Variants in ABCG8 observed in about 807,000 individuals in gnomAD.
ABCG8 encodes the protein ATP binding cassette subfamily G member 8, also known as ATP-binding cassette sub-family G member 8.
Under a neutral mutation model 71.3 loss-of-function variants are expected in ABCG8, and 81 were observed. The observed-to-expected ratio is 1.14, with a 90% CI of 0.95 to 1.37. The LOEUF is 1.37. ABCG8 is among the 40% of genes most tolerant of loss of function. ABCG8 has a pLI of 0.00. For synonymous variants in ABCG8, 451 were observed against 354.7 expected (o/e 1.27, Z -3.05); for missense variants, 1,119 against 866.2 (o/e 1.29, Z -3.66).
At position 43,877,775 on chromosome 2, in the gene ABCG8, G is replaced by C; in HGVS notation, c.1885-1G>C. 1 of 1,614,162 alleles carries C rather than the reference G, an allele frequency of 6.2e-7. No homozygotes were observed. Among genetic ancestry groups the C allele is most frequent in the Non-Finnish European group, 8.5e-7 (1 of 1,180,026 alleles). On this transcript the variant is annotated splice_acceptor_variant, in intron 12 of 12. Transcript: ENST00000272286. LOFTEE classifies it high-confidence loss of function. ...AGCCCACTGCATGTCTGTGTCTCCA[G>C]ATCCTCAGTGTCATGGAGCTGGACT...
chr2:43,841,905 T>A (rs1668591267), intron 1 of ABCG8, among the ~76,000 whole-genome samples: 1 of 152,238 alleles, frequency 6.6e-6, no homozygotes, highest in African/African-American at 2.4e-5. Flanking sequence ...CAGAAGTAAT[T>A]TCTCAGCTCA....
At position 43,871,963 on chromosome 2, in the gene ABCG8, C is replaced by G; in HGVS notation, c.965-13C>G. The G allele has an allele frequency of 6.2e-7, 1 of 1,613,966 alleles. No homozygotes were observed. The highest frequency in any genetic ancestry group is 8.5e-7 in the Non-Finnish European group (1 of 1,180,038). ...GAACAGGCCACCTGTGACTCCACAT[C>G]CCCTGCTTGCAGTGGACCTGACCAG... is the stretch of plus-strand genomic sequence containing the variant. On this transcript the variant is annotated splice_polypyrimidine_tract_variant and intron_variant, in intron 6 of 12. Coordinates refer to ENST00000272286, the MANE Select transcript of ABCG8 (RefSeq NM_022437.3).
At chr2:43,846,392 T>C (rs1668744525) in intron 3 of ABCG8, 81 bp downstream of exon 3, 2 of 1,589,076 alleles carry the variant, frequency 1.3e-6, no homozygotes, top group African/African-American at 1.3e-5. Context: ...ATGCTTCTTA[T>C]GGAGCTCTTT....
chr2:43,853,846 T>A (rs1364114668), intron 6 of ABCG8, among the ~76,000 whole-genome samples: 1 of 152,020 alleles, frequency 6.6e-6, no homozygotes, highest in East Asian at 1.9e-4. Context: ...GCCCACACCC[T>A]CCTCCTAGTG....
chr2:43,865,249 T>C (rs918912815), intron 6 of ABCG8, among the ~76,000 whole-genome samples: 52 of 144,728 alleles, frequency 3.6e-4, no homozygotes, highest in African/African-American at 1.4e-3. Flanking sequence ...TCTGTCTAGG[T>C]ACAATTCTCA....
At position 43,875,419 on chromosome 2, in the gene ABCG8, G is replaced by C. The variant is rs375563605; in HGVS notation, c.1756+6G>C. ...CTTGAGCAGCCTGTGGACAGGTAAG[G>C]CCTGCCCCCGGGGCCTGGGCCAGCT... is the stretch of plus-strand genomic sequence containing the variant. On this transcript the variant is annotated splice_donor_region_variant and intron_variant, in intron 11 of 12. Transcript: ENST00000272286. 39 of 1,611,530 alleles carry C rather than the reference G, an allele frequency of 2.4e-5. 3 individuals carry two copies. The South Asian group carries it at 3.5e-4, about 15-fold the overall frequency.
chr2:43,842,098 C>T lies in ABCG8; in HGVS notation c.64-2409C>T, dbSNP rs377468191. Among the ~76,000 whole-genome samples, 15 of 152,218 alleles carry T rather than the reference C, an allele frequency of 9.9e-5. No individual in the cohort carries two copies. In the East Asian group the frequency reaches 2.7e-3, roughly 27 times the overall value. The stretch of plus-strand genomic sequence containing the variant: ...CTCGGCTCCCTGCACCTCCACCTGC[C>T]GGTTCAAGTGATTCTCCTGCCTCAA... On this transcript the variant is annotated intron_variant, in intron 1 of 12. Coordinates refer to ENST00000272286, the MANE Select transcript of ABCG8 (RefSeq NM_022437.3).
intron 3 of ABCG8, chr2:43,846,714 A>C: frequency 3.4e-6 from 1 of 297,544 alleles, no homozygotes. Context: ...CCCCTGCCAC[A>C]CTCTCACCTC....
rs185116698 is a variant in ABCG8, at chr2:43,874,447, C to T, written c.1452C>T (p.Asp484=). Residue 484 remains aspartate, a synonymous_variant, in exon 10 of 13, where the codon GAC becomes GAT. Coordinates refer to ENST00000272286, the MANE Select transcript of ABCG8 (RefSeq NM_022437.3). ...ERAMLYYELE[D]GLYTTGPYFF... ...CAATGCTTTACTATGAACTGGAAGA[C>T]GGGCTGTACACCACTGGTCCATATT... 3.1e-5 allele frequency: 50 copies of T among 1,613,874 alleles called. No individual in the cohort carries two copies. Among genetic ancestry groups the T allele is most frequent in the South Asian group, 1.5e-4 (14 of 91,074 alleles).
At chr2:43,840,382 C>T (rs1461253906) in intron 1 of ABCG8, among the ~76,000 whole-genome samples, 1 of 152,210 alleles carries the variant, frequency 6.6e-6, no homozygotes, top group East Asian at 1.9e-4. Flanking sequence ...GGGAACACTT[C>T]CTGCCTGGGA....
intron 1 of ABCG8, among the ~76,000 whole-genome samples, chr2:43,840,401 G>A (rs1452846523): frequency 6.6e-6 from 1 of 152,184 alleles, no homozygotes; most frequent in Non-Finnish European, 1.5e-5. Context: ...GAGGGCTGAC[G>A]ATTCAGCCAC....
intron 1 of ABCG8, among the ~76,000 whole-genome samples, chr2:43,839,346 A>T (rs1441582266): frequency 6.7e-6 from 1 of 148,432 alleles, no homozygotes; most frequent in Non-Finnish European, 1.5e-5. Context: ...TTTTAGGGAA[A>T]TGATGTTCTT....
rs575622587 is a variant in ABCG8 at position 43,874,549 on chromosome 2, C to T, written c.1488+66C>T. ...AGGGTGGGGGTAAGTGTGGAGAAAA[C>T]GTTGCTACAAGGAAGGCTTTTCTGA... On this transcript the variant is annotated intron_variant, in intron 10 of 12. Coordinates refer to ENST00000272286, the MANE Select transcript of ABCG8 (RefSeq NM_022437.3). The T allele has an allele frequency of 1.1e-4, 146 of 1,367,318 alleles. 1 individual carries two copies. In the South Asian group the frequency reaches 1.2e-3, roughly 11 times the overall value. The allele number at this position is 1,367,318 out of a possible 1,614,324, so 84.7% of individuals were successfully genotyped here.
At chr2:43,854,272 G>A (rs1428506292) in intron 6 of ABCG8, among the ~76,000 whole-genome samples, 1 of 152,144 alleles carries the variant, frequency 6.6e-6, no homozygotes, top group East Asian at 1.9e-4. Context: ...CACACTAGGG[G>A]GCCACATCAT....
At chr2:43,876,711 C>G (rs1054465876) in intron 11 of ABCG8, among the ~76,000 whole-genome samples, 1 of 138,852 alleles carries the variant, frequency 7.2e-6, no homozygotes, top group Non-Finnish European at 1.5e-5. Flanking sequence ...TATAAAGGAG[C>G]CGTGGGAATA....
rs1359794106 is a variant in ABCG8, at chr2:43,880,911, GCT to G, written c.*3001_*3002del. 6.6e-6 allele frequency: 1 copy of G among 152,222 alleles called. No homozygotes were observed. The highest frequency in any genetic ancestry group is 1.5e-5 in the Non-Finnish European group (1 of 68,076). 9.4% of individuals were successfully genotyped at this position (152,222 alleles called of 1,614,324 possible). The stretch of plus-strand genomic sequence containing the variant: ...TGGACGTCCTGCCTACCCTGCTCAG[GCT>G]CTAACTCCCAAGTCCAGCTTTCCCT... On this transcript the variant is annotated 3_prime_UTR_variant, in exon 13 of 13. Coordinates refer to ENST00000272286, the MANE Select transcript of ABCG8 (RefSeq NM_022437.3).
Position 43,878,044 on chromosome 2 carries a change from G to C in ABCG8, c.*131G>C, listed in dbSNP as rs1572871949. 7.2e-7 allele frequency: 1 copy of C among 1,395,394 alleles called. No individual in the cohort carries two copies. The highest frequency in any genetic ancestry group is 2.4e-5 in the East Asian group (1 of 41,036). 86.4% of individuals were successfully genotyped at this position (1,395,394 alleles called of 1,614,324 possible). A position where few individuals can be genotyped will look rare whatever the true frequency, so the allele number is the denominator to read the frequency against. ...AGATGCTCAGCTACATCCGGCCCAG[G>C]GTGCTGCAGTGGCACAGACCAGCCA... On this transcript the variant is annotated 3_prime_UTR_variant, in exon 13 of 13. Transcript: ENST00000272286.
chr2:43,848,233 C>G (rs1668806514), intron 3 of ABCG8: 1 of 152,204 alleles, frequency 6.6e-6, no homozygotes, highest in African/African-American at 2.4e-5. Flanking sequence ...AAAAACAGGA[C>G]CAGTTCAGAG....
At chr2:43,876,062 C>T (rs1258071193) in intron 11 of ABCG8, among the ~76,000 whole-genome samples, 2 of 152,178 alleles carry the variant, frequency 1.3e-5, no homozygotes, top group Non-Finnish European at 2.9e-5. Flanking sequence ...CTCCCCATAC[C>T]ATGCCACCTC....
Sources: gnomAD v4.1 joint callset for allele counts (sites outside exome capture counted in the v4.1 genomes callset) on GRCh38, gnomAD v4.1.1 for gene constraint, MANE v1.5 for transcripts, NCBI Gene and HGNC (gene_info 2026-07-23, HGNC 2026-07-21) for gene names.